HNRNPA1: variants seen among roughly 807,000 people sequenced by gnomAD.
The protein encoded by HNRNPA1 is epididymis secretory sperm binding protein.
Under a neutral mutation model 44.4 loss-of-function variants are expected in HNRNPA1, and 7 were observed. The ratio of observed to expected loss-of-function variants is 0.16; its 90% CI spans 0.09 to 0.30. The LOEUF is 0.30. Ranked by LOEUF, HNRNPA1 falls within the 10% of genes least tolerant of loss-of-function variation. The pLI is 1.00. For synonymous variants in HNRNPA1, 169 were observed against 160.6 expected, an observed-to-expected ratio of 1.05 and a Z score of -0.40; for missense variants, 193 against 465.8, an observed-to-expected ratio of 0.41 and a Z score of 5.39.
intron 8 of HNRNPA1, among the ~76,000 whole-genome samples, 164 bp downstream of exon 8, chr12:54,283,398 C>T (rs926038898): frequency 6.6e-6 from 1 of 152,126 alleles, no homozygotes; most frequent in African/African-American, 2.4e-5. Context: ...GGCCGCCTCA[C>T]TCCCAAATAG....
chr12:54,284,151 G>T lies in HNRNPA1; in HGVS notation c.1064-107G>T, dbSNP rs548623326. ...CTCTTTACCACCTCCCTTGTAGTAG[G>T]GCCATTTTTAAATGGCCAGACACTT... On this transcript the variant is annotated intron_variant, in intron 9 of 10. Transcript: ENST00000340913. The T allele has an allele frequency of 6.7e-5, 87 of 1,301,434 alleles. 2 individuals are homozygous for T. In the South Asian group the frequency reaches 1.1e-3, roughly 17 times the overall value. The allele number at this position is 1,301,434 out of a possible 1,614,324, so 80.6% of individuals were successfully genotyped here. A position where few individuals can be genotyped will look rare whatever the true frequency, so the allele number is the denominator to read the frequency against.
intron 9 of HNRNPA1, 72 bp downstream of exon 9, chr12:54,284,039 A>C: frequency 6.5e-7 from 1 of 1,532,870 alleles, no homozygotes. Context: ...AAAGCCCTTT[A>C]ACTGCTATGT....
chr12:54,284,412 A>C, intron 10 of HNRNPA1, 95 bp downstream of exon 10: 1 of 1,099,052 alleles, frequency 9.1e-7, no homozygotes, highest in Non-Finnish European at 1.4e-6. Context: ...CATAGTTAAC[A>C]TTATAATTGC....
chr12:54,284,407 T>C lies in HNRNPA1; in HGVS notation c.*4+90T>C. 4.4e-6 allele frequency: 5 copies of C among 1,137,434 alleles called. No individual in the cohort carries two copies. The Admixed American group carries it at 7.0e-5, about 16-fold the overall frequency. The allele number at this position is 1,137,434 out of a possible 1,614,324, so 70.5% of individuals were successfully genotyped here. On this transcript the variant is annotated intron_variant, in intron 10 of 10. Coordinates refer to ENST00000340913, the MANE Select transcript of HNRNPA1 (RefSeq NM_031157.4). ...AATGTAGCTGAGCAGTGCAACATAG[T>C]TAACATTATAATTGCAGTAATTGTG...
chr12:54,283,766 ACAT>A, intron 8 of HNRNPA1, 43 bp from the exon 9 acceptor site: 2 of 1,582,092 alleles, frequency 1.3e-6, no homozygotes, highest in South Asian at 1.1e-5. Context: ...TTGGAAACTA[ACAT>A]CATCCTCAGG....
chr12:54,284,076 G>A lies in HNRNPA1; in HGVS notation c.1063+109G>A, dbSNP rs919213940. 8.7e-6 allele frequency: 12 copies of A among 1,379,676 alleles called. No homozygotes were observed. The South Asian group carries it at 1.2e-4, about 14-fold the overall frequency. The allele number at this position is 1,379,676 out of a possible 1,614,324, so 85.5% of individuals were successfully genotyped here. A position where few individuals can be genotyped will look rare whatever the true frequency, so the allele number is the denominator to read the frequency against. On this transcript the variant is annotated intron_variant, in intron 9 of 10. Coordinates refer to ENST00000340913, the MANE Select transcript of HNRNPA1 (RefSeq NM_031157.4). ...TGGGCAGCAAAACGTTTATAGTTTA[G>A]AACCTTCAGAAAGTGATAATTTGAT...
chr12:54,281,674 G>A, intron 2 of HNRNPA1, 121 bp from the exon 3 acceptor site: 1 of 1,163,104 alleles, frequency 8.6e-7, no homozygotes, highest in East Asian at 2.5e-5. Flanking sequence ...TAGGGTAGTG[G>A]GAAACTGGAC....
intron 2 of HNRNPA1, 56 bp from the exon 3 acceptor site, chr12:54,281,739 A>C (rs562548338): frequency 6.4e-7 from 1 of 1,556,940 alleles, no homozygotes; most frequent in Non-Finnish European, 8.7e-7. Flanking sequence ...CAAAGTTAAA[A>C]TGACAAAAGC....
At position 54,285,330 on chromosome 12, in the gene HNRNPA1, T is replaced by A. The variant is rs1321620311; in HGVS notation, c.*786T>A. 1 of 152,266 alleles carries A rather than the reference T, an allele frequency of 6.6e-6. No individual in the cohort carries two copies. Among genetic ancestry groups the A allele is most frequent in the African/African-American group, 2.4e-5 (1 of 41,464 alleles). 9.4% of individuals were successfully genotyped at this position (152,266 alleles called of 1,614,324 possible). On this transcript the variant is annotated 3_prime_UTR_variant, in exon 11 of 11. Transcript: ENST00000340913. The stretch of plus-strand genomic sequence containing the variant: ...CCCCCTGATAATAATGTTGAATGCT[T>A]CTATCACAATTCAAGTTCAAAGCTC...
At position 54,284,250 on chromosome 12, in the gene HNRNPA1, C is replaced by T; in HGVS notation, c.1064-8C>T. 1.2e-6 allele frequency: 2 copies of T among 1,612,842 alleles called. No individual in the cohort carries two copies. The highest frequency in any genetic ancestry group is 4.5e-5 in the East Asian group (2 of 44,872). ...TTGAAACTTTAAAAGAAAAATTGTA[C>T]TTTTCAGGTGGCTATGGCGGTTCCA... On this transcript the variant is annotated splice_polypyrimidine_tract_variant and splice_region_variant and intron_variant, in intron 9 of 10. Transcript: ENST00000340913.
Position 54,284,269 on chromosome 12 carries a change from G to A in HNRNPA1, c.1075G>A (p.Gly359Ser), listed in dbSNP as rs778636234. Residue 359 changes from glycine (G) to serine (S), a missense_variant, in exon 10 of 11, where the codon GGT becomes AGT. This residue lies in a region of HNRNPA1 where 136 missense variants were observed against 234.4 expected (regional missense o/e 0.58). Coordinates refer to ENST00000340913, the MANE Select transcript of HNRNPA1 (RefSeq NM_031157.4). ...ATTGTACTTTTCAGGTGGCTATGGC[G>A]GTTCCAGCAGCAGCAGTAGCTATGG... ...AKPRNQGGYGGSSSSSSYGSG... is the reference protein window; with the variant it reads ...AKPRNQGGYGSSSSSSSYGSG... The A allele has an allele frequency of 8.1e-6, 13 of 1,613,888 alleles. No homozygotes were observed. Among genetic ancestry groups the A allele is most frequent in the East Asian group, 4.5e-5 (2 of 44,892 alleles).
chr12:54,284,020 G>A (rs966496448), intron 9 of HNRNPA1, 53 bp downstream of exon 9: 27 of 1,587,312 alleles, frequency 1.7e-5, no homozygotes, highest in East Asian at 1.3e-4. Context: ...TGTAGCTACT[G>A]CTGGGAAGAA....
intron 2 of HNRNPA1, 52 bp from the exon 3 acceptor site, chr12:54,281,743 C>G (rs1944175443): frequency 1.3e-6 from 2 of 1,564,190 alleles, no homozygotes; most frequent in East Asian, 4.6e-5. Context: ...GTTAAAATGA[C>G]AAAAGCTTTT....
Position 54,283,949 on chromosome 12 carries a change from G to A in HNRNPA1, c.1045G>A (p.Ala349Thr), listed in dbSNP as rs779717353. The change falls in exon 9 of 11, where the codon GCA becomes ACA. Residue 349 changes from alanine (A) to threonine (T), a missense_variant. Ala to Thr is a moderately conservative substitution (Grantham distance 58). Transcript: ENST00000340913. ...GPYGGGGQYF[A>T]KPRNQGGYGG... is the part of the protein sequence containing the mutation. Reference sequence around the variant, plus strand: ...CTATGGCGGTGGAGGCCAATACTTTGCAAAACCACGAAACCAAGGTATGGT... The same window carrying A: ...CTATGGCGGTGGAGGCCAATACTTTACAAAACCACGAAACCAAGGTATGGT... 5 of 1,606,728 alleles carry A rather than the reference G, an allele frequency of 3.1e-6. No homozygotes were observed. In the South Asian group the frequency reaches 4.4e-5, roughly 14 times the overall value.
Position 54,284,529 on chromosome 12 carries a change from T to A in HNRNPA1, c.*5-20T>A. On this transcript the variant is annotated intron_variant, in intron 10 of 10. Transcript: ENST00000340913. Reference sequence around the variant, plus strand: ...CTTAATATGTTTAGATTAACAACTTTATTCCATATTGTTCAACAGGAAACA... The same window carrying A: ...CTTAATATGTTTAGATTAACAACTTAATTCCATATTGTTCAACAGGAAACA... The A allele has an allele frequency of 1.4e-6, 1 of 713,050 alleles. No individual in the cohort carries two copies. Among genetic ancestry groups the A allele is most frequent in the Non-Finnish European group, 2.5e-6 (1 of 398,434 alleles). The allele number at this position is 713,050 out of a possible 1,614,324, so 44.2% of individuals were successfully genotyped here.
At position 54,282,497 on chromosome 12, in the gene HNRNPA1, T is replaced by G. The variant is rs567501238; in HGVS notation, c.583+11T>G. 353 of 1,612,552 alleles carry G rather than the reference T, an allele frequency of 2.2e-4. 1 individual carries two copies. The African/African-American group carries it at 4.3e-3, about 20-fold the overall frequency. On this transcript the variant is annotated intron_variant, in intron 5 of 10. Coordinates refer to ENST00000340913, the MANE Select transcript of HNRNPA1 (RefSeq NM_031157.4). ...CATCCAGCCAAAGAGGTATGCTTGT[T>G]GCTTAATTAAACCTTAAAGGTAACT...
intron 10 of HNRNPA1, 30 bp from the exon 11 acceptor site, chr12:54,284,519 T>A: frequency 2.8e-6 from 2 of 715,034 alleles, no homozygotes; most frequent in Non-Finnish European, 5.0e-6. Context: ...TATGTTTAGA[T>A]TAACAACTTT....
At chr12:54,283,573 G>A (rs1328024988) in intron 8 of HNRNPA1, 1 of 594,860 alleles carries the variant, frequency 1.7e-6, no homozygotes, top group Non-Finnish European at 3.0e-6. Context: ...GGGTATGCTT[G>A]TGCCACTCTG....
chr12:54,282,712 G>A (rs757380042), intron 6 of HNRNPA1, 47 bp downstream of exon 6: 2 of 1,595,172 alleles, frequency 1.3e-6, no homozygotes, highest in Non-Finnish European at 1.7e-6. Context: ...CACCATCTTT[G>A]CTATGAAGAT....
Sources: gnomAD v4.1 joint callset for allele counts (sites outside exome capture counted in the v4.1 genomes callset) on GRCh38, gnomAD v4.1.1 for gene constraint, gnomAD v4.1.1 regional missense constraint, MANE v1.5 for transcripts, NCBI Gene and HGNC (gene_info 2026-07-23, HGNC 2026-07-21) for gene names.